PDIA6: variants seen among roughly 807,000 people sequenced by gnomAD.
PDIA6 encodes protein disulfide isomerase family A member 6.
A neutral mutation model predicts 58.4 loss-of-function variants in PDIA6; 29 were observed. That is an observed-to-expected ratio of 0.50 (90% confidence interval 0.37 to 0.68). PDIA6 has a LOEUF of 0.68. Among genes scored for constraint, PDIA6 ranks in the 30% least tolerant of loss-of-function variants. The pLI is 0.00. For synonymous variants in PDIA6, 192 were observed against 202.6 expected (o/e 0.95, Z 0.44); for missense variants, 480 against 551.0 (o/e 0.87, Z 1.29).
At chr2:10,796,142 C>T (rs1240402025) in intron 4 of PDIA6, among the ~76,000 whole-genome samples, 2 of 151,902 alleles carry the variant, frequency 1.3e-5, no homozygotes, top group South Asian at 2.1e-4. Flanking sequence ...CAAGCTCCGC[C>T]TTCCGGGTTC....
chr2:10,819,493 G>A, intron 1 of PDIA6: 1 of 599,710 alleles, frequency 1.7e-6, no homozygotes, highest in Non-Finnish European at 3.0e-6. Flanking sequence ...AAAAGTTATA[G>A]TGCTGAAAAA....
rs548441252 is a variant in PDIA6 at position 10,790,544 on chromosome 2, T to C, written c.699+175A>G. Among the ~76,000 whole-genome samples, 5 of 152,334 alleles carry C rather than the reference T, an allele frequency of 3.3e-5. No homozygotes were observed. In the South Asian group the frequency reaches 6.2e-4, roughly 19 times the overall value. On this transcript the variant is annotated intron_variant, in intron 7 of 12. Transcript: ENST00000272227. ...AGCAGTGTGACATTAGGGGGAAAAG[T>C]TGACAGTCCTGAGTTTCAGACTTGT...
chr2:10,827,897 CTTTT>C (rs1206836895), intron 1 of PDIA6, among the ~76,000 whole-genome samples: 1 of 150,696 alleles, frequency 6.6e-6, no homozygotes, highest in African/African-American at 2.4e-5. Flanking sequence ...AAAGTTTAAT[CTTTT>C]TATTTTTATT....
In PDIA6 at chr2:10,784,193, T is replaced by C. The variant is rs1665579702; in HGVS notation, c.*65A>G. 3 of 1,270,152 alleles carry C rather than the reference T, an allele frequency of 2.4e-6. No individual in the cohort carries two copies. In the South Asian group the frequency reaches 3.8e-5, roughly 16 times the overall value. The allele number at this position is 1,270,152 out of a possible 1,614,324, so 78.7% of individuals were successfully genotyped here. ...TCATCTGAGTGTAGAGAATGTCCCTTCACTGCTGGAAAAATCCACTGGCTC... is the reference window on the plus strand; with the variant it reads ...TCATCTGAGTGTAGAGAATGTCCCTCCACTGCTGGAAAAATCCACTGGCTC... On this transcript the variant is annotated 3_prime_UTR_variant, in exon 13 of 13. Transcript: ENST00000272227.
chr2:10,837,548 T>A (rs1484124067), exon 1 of PDIA6: 1 of 734,420 alleles, frequency 1.4e-6, no homozygotes, highest in East Asian at 2.7e-5. Context: ...CGTGCAAGTA[T>A]CATCAACTCA....
upstream of PDIA6, among the ~76,000 whole-genome samples, chr2:10,834,757 T>C (rs1334622149): frequency 4.0e-5 from 5 of 123,490 alleles, no homozygotes; most frequent in African/African-American, 1.5e-4. Flanking sequence ...CTTCCTTCCT[T>C]CCTTCCTTCC....
At chr2:10,819,167 C>T in intron 2 of PDIA6, 1 of 656,818 alleles carries the variant, frequency 1.5e-6, no homozygotes, top group Non-Finnish European at 2.7e-6. Context: ...ATGACTAGAC[C>T]TCATTTTGTT....
chr2:10,824,684 A>T (rs1358904323), intron 1 of PDIA6, among the ~76,000 whole-genome samples: 1 of 152,262 alleles, frequency 6.6e-6, no homozygotes, highest in Non-Finnish European at 1.5e-5. Context: ...GATGAAGCTG[A>T]AGCGGGGCAG....
At chr2:10,791,145 C>T (rs1666016608) in intron 6 of PDIA6, among the ~76,000 whole-genome samples, 1 of 118,998 alleles carries the variant, frequency 8.4e-6, no homozygotes, top group Non-Finnish European at 2.0e-5. Context: ...CCTTTCTTTT[C>T]TTTTCTTTTT....
chr2:10,798,571 C>G lies in PDIA6; in HGVS notation c.162-814G>C, dbSNP rs892199004. Among the ~76,000 whole-genome samples, 467 of 56,544 alleles carry G rather than the reference C, an allele frequency of 8.3e-3. 3 individuals are homozygous for G. The highest frequency in any genetic ancestry group is 0.018 in the African/African-American group (448 of 25,220). 37.1% of individuals were successfully genotyped at this position (56,544 alleles called of 152,430 possible). On this transcript the variant is annotated intron_variant, in intron 2 of 12. Transcript: ENST00000272227. Reference sequence around the variant, plus strand: ...CAACACAGCAAGACTCTGTCCCCCACCCAAAAAAAAAAAAAAAAGCTTCCG... The same window carrying G: ...CAACACAGCAAGACTCTGTCCCCCAGCCAAAAAAAAAAAAAAAAGCTTCCG...
At chr2:10,833,483 C>A (rs1283932013), upstream of PDIA6, among the ~76,000 whole-genome samples, 4 of 152,174 alleles carry the variant, frequency 2.6e-5, no homozygotes, top group African/African-American at 9.7e-5. Context: ...AGCCTCACAG[C>A]CAAGGGGAGT....
intron 12 of PDIA6, 161 bp from the exon 13 acceptor site, chr2:10,784,487 C>G: frequency 1.8e-6 from 1 of 565,254 alleles, no homozygotes; most frequent in Non-Finnish European, 3.1e-6. Context: ...TATGATTATA[C>G]GGATGGAAAA....
intron 1 of PDIA6, among the ~76,000 whole-genome samples, chr2:10,811,344 A>G (rs1199829706): frequency 6.6e-6 from 1 of 152,228 alleles, no homozygotes. Flanking sequence ...AACCTGAGCA[A>G]TACAATGAGA....
chr2:10,804,369 C>T (rs58273624), intron 1 of PDIA6, among the ~76,000 whole-genome samples: 29,220 of 93,092 alleles, frequency 0.31, 6,261 homozygotes, highest in Middle Eastern at 0.47. Flanking sequence ...GGAAGGGATC[C>T]AGTTTCAGCT....
At chr2:10,798,661 C>T (rs556948841) in intron 2 of PDIA6, among the ~76,000 whole-genome samples, 2 of 152,192 alleles carry the variant, frequency 1.3e-5, no homozygotes, top group East Asian at 3.9e-4. Context: ...TCAACAAGCC[C>T]TTTAGAATCT....
chr2:10,798,457 A>C (rs1666361590), intron 2 of PDIA6, among the ~76,000 whole-genome samples: 1 of 150,386 alleles, frequency 6.6e-6, no homozygotes, highest in Admixed American at 6.6e-5. Context: ...AATCTTAGCT[A>C]TTGGGGAGGC....
chr2:10,807,675 A>G (rs1686430), intron 1 of PDIA6, among the ~76,000 whole-genome samples: 74,243 of 152,112 alleles, frequency 0.49, 19,668 homozygotes, highest in South Asian at 0.58. Flanking sequence ...TTGCTTCACA[A>G]TTAGAATTTG....
intron 1 of PDIA6, among the ~76,000 whole-genome samples, chr2:10,808,011 C>G (rs372402188): frequency 1.3e-5 from 2 of 152,122 alleles, no homozygotes; most frequent in Non-Finnish European, 2.9e-5. Flanking sequence ...TGGTTCTGTA[C>G]GCTATAGGTA....
chr2:10,785,264 A>T (rs1324283314), intron 11 of PDIA6, among the ~76,000 whole-genome samples: 2 of 152,268 alleles, frequency 1.3e-5, no homozygotes, highest in Non-Finnish European at 2.9e-5. Context: ...AGATAAAGTC[A>T]GTTGCTATCA....
Sources: allele counts gnomAD v4.1 joint callset (sites outside exome capture counted in the v4.1 genomes callset), GRCh38; gene constraint gnomAD v4.1.1; transcripts MANE v1.5; gene names NCBI Gene and HGNC (gene_info 2026-07-23, HGNC 2026-07-21).